SNX8: variants seen among roughly 807,000 people sequenced by gnomAD.
The protein encoded by SNX8 is sorting nexin-8.
Under a neutral mutation model 51.6 loss-of-function variants are expected in SNX8, and 25 were observed. The ratio of observed to expected loss-of-function variants is 0.48; its 90% CI spans 0.35 to 0.68. The LOEUF is 0.68. Ranked by LOEUF, SNX8 falls within the 30% of genes least tolerant of loss-of-function variation. SNX8 has a pLI of 0.00. For missense variants in SNX8, 695 were observed against 624.0 expected (o/e 1.11, Z -1.21); for synonymous variants, 324 against 277.0 (o/e 1.17, Z -1.68).
Position 2,333,684 on chromosome 7 carries a change from T to C in SNX8, c.-66+20538A>G, listed in dbSNP as rs543673182. ...AATTAACTCACTCACATATGGTTAA[T>C]TGATTTTCAATAAACGTGCCAAGGT... is the stretch of plus-strand genomic sequence containing the variant. On this transcript the variant is annotated intron_variant, in intron 1 of 5. Coordinates refer to the SNX8 transcript ENST00000435336. Among the ~76,000 whole-genome samples the C allele has an allele frequency of 4.6e-5, 7 of 152,298 alleles. No individual in the cohort carries two copies. The South Asian group carries it at 8.3e-4, about 18-fold the overall frequency.
At chr7:2,329,372 C>T (rs996022319) in intron 1 of SNX8, among the ~76,000 whole-genome samples, 8 of 151,998 alleles carry the variant, frequency 5.3e-5, no homozygotes. Flanking sequence ...AGATATACAG[C>T]GTCTTATCAC....
chr7:2,333,889 C>G (rs191340119), intron 1 of SNX8, among the ~76,000 whole-genome samples: 3 of 152,258 alleles, frequency 2.0e-5, no homozygotes, highest in African/African-American at 7.2e-5. Flanking sequence ...GTAATCCCAG[C>G]ACTTTGGGAG....
At position 2,278,323 on chromosome 7, in the gene SNX8, A is replaced by G; in HGVS notation, c.95-18T>C. ...CGGCAGATCTGCAGGGGAGATGGTGAATGACCAGTGAGAATAGCTGCTCAA... is the reference window on the plus strand; with the variant it reads ...CGGCAGATCTGCAGGGGAGATGGTGGATGACCAGTGAGAATAGCTGCTCAA... On this transcript the variant is annotated intron_variant, in intron 1 of 10. Transcript: ENST00000222990. 1 of 1,453,436 alleles carries G rather than the reference A, an allele frequency of 6.9e-7. No individual in the cohort carries two copies. Among genetic ancestry groups the G allele is most frequent in the Non-Finnish European group, 9.5e-7 (1 of 1,055,662 alleles). 90.0% of individuals were successfully genotyped at this position (1,453,436 alleles called of 1,614,324 possible).
chr7:2,330,283 G>A (rs1048427677), intron 1 of SNX8, among the ~76,000 whole-genome samples: 3 of 150,672 alleles, frequency 2.0e-5, no homozygotes, highest in African/African-American at 7.3e-5. Context: ...GATTACAGGT[G>A]CCCGCCACCA....
At chr7:2,335,599 T>G (rs904222488) in intron 1 of SNX8, among the ~76,000 whole-genome samples, 2 of 151,750 alleles carry the variant, frequency 1.3e-5, no homozygotes, top group East Asian at 1.9e-4. Context: ...TCAGGAGATC[T>G]AGACCATCCT....
At position 2,324,629 on chromosome 7, in the gene SNX8, TA is replaced by T. The variant is rs201039520; in HGVS notation, c.-66+29592del. Among the ~76,000 whole-genome samples, 1,126 of 151,918 alleles carry T rather than the reference TA, an allele frequency of 7.4e-3. 13 individuals are homozygous for T. The highest frequency in any genetic ancestry group is 0.025 in the African/African-American group (1,056 of 41,428). ...AATAAAAATAAAAATAAACTAAGAA[TA>T]AAAAAAATTTAGGAAGTGGTATGAT... On this transcript the variant is annotated intron_variant, in intron 1 of 5. Transcript: ENST00000435336.
At chr7:2,311,340 G>A (rs146649142) in intron 1 of SNX8, among the ~76,000 whole-genome samples, 48 of 152,258 alleles carry the variant, frequency 3.2e-4, no homozygotes, top group Non-Finnish European at 4.0e-4. Flanking sequence ...CATAGTCTCC[G>A]GACAATATTC....
chr7:2,309,768 A>G, intron 1 of SNX8: 1 of 468,396 alleles, frequency 2.1e-6, no homozygotes, highest in South Asian at 1.6e-5. Context: ...TGACAGCGCA[A>G]TGAATTCTGA....
At chr7:2,275,013 C>T in intron 3 of SNX8, 99 bp downstream of exon 3, 2 of 832,010 alleles carry the variant, frequency 2.4e-6, no homozygotes, top group East Asian at 2.4e-5. Context: ...CCTGCACCTG[C>T]CCCGGTCTAC....
At chr7:2,283,676 G>C (rs913747793) in intron 1 of SNX8, among the ~76,000 whole-genome samples, 31 of 152,332 alleles carry the variant, frequency 2.0e-4, no homozygotes, top group African/African-American at 6.7e-4. Flanking sequence ...CAGCGTCCCA[G>C]GGCTAAATTC....
chr7:2,263,838 G>A (rs552881889), intron 6 of SNX8, among the ~76,000 whole-genome samples: 51 of 152,008 alleles, frequency 3.4e-4, no homozygotes, highest in African/African-American at 1.1e-3. Flanking sequence ...TCAGCCTCCC[G>A]AGTAGCTGAG....
intron 1 of SNX8, among the ~76,000 whole-genome samples, chr7:2,282,229 CT>C (rs1795923224): frequency 6.6e-6 from 1 of 152,218 alleles, no homozygotes; most frequent in Non-Finnish European, 1.5e-5. Flanking sequence ...ATGCATTCCC[CT>C]CTCAGCAAGT....
At chr7:2,353,731 G>A (rs1779222343) in intron 1 of SNX8, among the ~76,000 whole-genome samples, 1 of 152,036 alleles carries the variant, frequency 6.6e-6, no homozygotes, top group African/African-American at 2.4e-5. Flanking sequence ...CTCCACCCCA[G>A]CCTCTGGGTA....
chr7:2,304,341 G>C (rs574177322), intron 1 of SNX8, among the ~76,000 whole-genome samples: 1 of 151,454 alleles, frequency 6.6e-6, no homozygotes, highest in East Asian at 2.0e-4. Flanking sequence ...TCAGGAGATA[G>C]AGACCATCCT....
At chr7:2,342,823 TTTA>T (rs890281684) in intron 1 of SNX8, among the ~76,000 whole-genome samples, 7 of 151,998 alleles carry the variant, frequency 4.6e-5, no homozygotes, top group Non-Finnish European at 8.8e-5. Flanking sequence ...ACATTATTTA[TTTA>T]TTTTTTATTT....
At chr7:2,304,516 C>T (rs576664070) in intron 1 of SNX8, among the ~76,000 whole-genome samples, 47 of 152,150 alleles carry the variant, frequency 3.1e-4, no homozygotes, top group African/African-American at 9.4e-4. Context: ...TGTACTCCAG[C>T]CTGGGCGACA....
At chr7:2,290,304 C>T (rs1444427968) in intron 1 of SNX8, among the ~76,000 whole-genome samples, 2 of 152,048 alleles carry the variant, frequency 1.3e-5, no homozygotes, top group Non-Finnish European at 2.9e-5. Context: ...AGTTCGAGAC[C>T]AGCCAGGACA....
At position 2,284,576 on chromosome 7, in the gene SNX8, T is replaced by C. The variant is rs574035677; in HGVS notation, c.95-6271A>G. Among the ~76,000 whole-genome samples the C allele has an allele frequency of 2.6e-5, 4 of 151,750 alleles. No homozygotes were observed. The South Asian group carries it at 8.3e-4, about 32-fold the overall frequency. On this transcript the variant is annotated intron_variant, in intron 1 of 10. Transcript: ENST00000222990. ...CACACCACCATGCCCAGCTAATTTT[T>C]TGTGTTTTTAGTAGAGACAGGTTTT...
At chr7:2,275,375 T>C (rs1474703140) in intron 2 of SNX8, 146 bp from the exon 3 acceptor site, 6 of 670,744 alleles carry the variant, frequency 8.9e-6, no homozygotes, top group Non-Finnish European at 1.6e-5. Context: ...CTGTGACGGC[T>C]TCGTATATGG....
Sources: gnomAD v4.1 joint callset for allele counts (sites outside exome capture counted in the v4.1 genomes callset) on GRCh38, gnomAD v4.1.1 for gene constraint, MANE v1.5 for transcripts, NCBI Gene and HGNC (gene_info 2026-07-23, HGNC 2026-07-21) for gene names.